The following SH3BP4 variants were observed in gnomAD, a reference collection of about 807,000 sequenced individuals.
The protein encoded by SH3BP4 is SH3 domain binding protein 4.
Under a neutral mutation model 65.5 loss-of-function variants are expected in SH3BP4, and 33 were observed. The observed-to-expected ratio is 0.50, with a 90% CI of 0.38 to 0.67. The LOEUF (loss-of-function observed/expected upper bound fraction) is 0.67, where lower values mean the gene tolerates loss of function less well. Ranked by LOEUF, SH3BP4 falls within the 30% of genes least tolerant of loss-of-function variation. The pLI, the probability that SH3BP4 is intolerant of heterozygous loss-of-function variation, is 0.00. For missense variants in SH3BP4, 1,134 were observed against 1,261.4 expected, an observed-to-expected ratio of 0.90 and a Z score of 1.53; for synonymous variants, 552 against 545.5, an observed-to-expected ratio of 1.01 and a Z score of -0.17.
intron 1 of SH3BP4, among the ~76,000 whole-genome samples, chr2:234,958,188 A>C (rs1053926663): frequency 2.6e-5 from 4 of 152,186 alleles, no homozygotes; most frequent in Non-Finnish European, 5.9e-5. Context: ...CCCAAGGACC[A>C]TAGCTGAACA....
intron 1 of SH3BP4, among the ~76,000 whole-genome samples, chr2:234,956,029 C>T (rs1405906845): frequency 6.6e-6 from 1 of 152,184 alleles, no homozygotes; most frequent in African/African-American, 2.4e-5. Flanking sequence ...AAGATACAGG[C>T]ATGCAAATAG....
chr2:234,972,837 G>A (rs1032474991), intron 1 of SH3BP4, among the ~76,000 whole-genome samples: 19 of 152,218 alleles, frequency 1.2e-4, no homozygotes, highest in African/African-American at 2.4e-4. Flanking sequence ...AGTTCCTTCC[G>A]TAAAAAGTGG....
chr2:234,984,380 T>G lies in SH3BP4; in HGVS notation c.-206-10923T>G, dbSNP rs187787032. 3.6e-3 allele frequency among the ~76,000 whole-genome samples: 544 copies of G among 152,098 alleles called. 2 individuals carry two copies. Among genetic ancestry groups the G allele is most frequent in the Admixed American group, 6.1e-3 (93 of 15,282 alleles). ...CCATGCCTGGCTAATTTTTTTTTTTTTAACTTTTTGTAGAGACGAAGTCTT... is the reference window on the plus strand; with the variant it reads ...CCATGCCTGGCTAATTTTTTTTTTTGTAACTTTTTGTAGAGACGAAGTCTT... On this transcript the variant is annotated intron_variant, in intron 1 of 5. Coordinates refer to ENST00000392011, the MANE Select transcript of SH3BP4 (RefSeq NM_014521.3).
At chr2:235,039,167 A>G (rs1421667782) in intron 3 of SH3BP4, among the ~76,000 whole-genome samples, 1 of 152,184 alleles carries the variant, frequency 6.6e-6, no homozygotes, top group Non-Finnish European at 1.5e-5. Flanking sequence ...AGACACCCAG[A>G]TAGACGGGCC....
Position 235,045,359 on chromosome 2 carries a change from T to G in SH3BP4, c.2478+2112T>G, listed in dbSNP as rs1301218879. Among the ~76,000 whole-genome samples the G allele has an allele frequency of 6.6e-6, 1 of 152,186 alleles. No individual in the cohort carries two copies. Among genetic ancestry groups the G allele is most frequent in the Non-Finnish European group, 1.5e-5 (1 of 68,036 alleles). ...ACCGCCGAGTAGGTGGCTTTTACACTCATTTTCCTGCTTTTTTATCTTTTT... is the reference window on the plus strand; with the variant it reads ...ACCGCCGAGTAGGTGGCTTTTACACGCATTTTCCTGCTTTTTTATCTTTTT... On this transcript the variant is annotated intron_variant, in intron 4 of 5. Transcript: ENST00000392011. The surrounding 1 kb of genome is among the most constrained non-coding windows in gnomAD (Gnocchi z 4.3).
intron 2 of SH3BP4, among the ~76,000 whole-genome samples, chr2:235,021,166 A>G (rs1223237552): frequency 2.0e-5 from 3 of 152,206 alleles, no homozygotes; most frequent in Non-Finnish European, 1.5e-5. Flanking sequence ...ACTCATATCT[A>G]AATCAATGGG....
chr2:234,992,837 G>A (rs58649890), intron 1 of SH3BP4, among the ~76,000 whole-genome samples: 23,376 of 146,776 alleles, frequency 0.16, 3,412 homozygotes, highest in East Asian at 0.72. Flanking sequence ...AGATGGACAC[G>A]TTCCTGCCGT....
At chr2:234,964,977 A>G (rs1203589560) in intron 1 of SH3BP4, among the ~76,000 whole-genome samples, 1 of 152,146 alleles carries the variant, frequency 6.6e-6, no homozygotes, top group Non-Finnish European at 1.5e-5. Flanking sequence ...TACGTGTAGC[A>G]GAGTCGGTCT....
chr2:235,017,185 G>T (rs1574823579), intron 2 of SH3BP4, among the ~76,000 whole-genome samples: 1 of 149,844 alleles, frequency 6.7e-6, no homozygotes, highest in African/African-American at 2.5e-5. Context: ...ATCCTCTCCT[G>T]GCTGGGTGAG....
At chr2:234,986,783 C>G (rs1693571866) in intron 1 of SH3BP4, among the ~76,000 whole-genome samples, 1 of 151,400 alleles carries the variant, frequency 6.6e-6, no homozygotes, top group Admixed American at 6.6e-5. Flanking sequence ...ATGTTATCAA[C>G]TAGGATACAT....
chr2:235,053,490 T>C, intron 5 of SH3BP4, 102 bp from the exon 6 acceptor site: 1 of 819,178 alleles, frequency 1.2e-6, no homozygotes, highest in Non-Finnish European at 2.0e-6. Flanking sequence ...TCCCAAATAG[T>C]GACTACTGAA....
At chr2:234,975,894 A>G (rs371282077) in intron 1 of SH3BP4, among the ~76,000 whole-genome samples, 2 of 152,182 alleles carry the variant, frequency 1.3e-5, no homozygotes, top group African/African-American at 4.8e-5. Context: ...TAAAAAATAA[A>G]TAAAAGTAGT....
intron 1 of SH3BP4, among the ~76,000 whole-genome samples, chr2:234,980,861 C>T (rs1281920486): frequency 2.0e-5 from 3 of 152,100 alleles, no homozygotes; most frequent in Admixed American, 2.0e-4. Flanking sequence ...GGTTTTTGCC[C>T]GTTTTTCTTA....
At chr2:235,006,059 G>A (rs1440274026) in intron 2 of SH3BP4, among the ~76,000 whole-genome samples, 1 of 152,254 alleles carries the variant, frequency 6.6e-6, no homozygotes, top group African/African-American at 2.4e-5. Flanking sequence ...TCCTGGGCAG[G>A]AGCCGCCTGT....
At chr2:234,996,373 C>G (rs150611666) in intron 2 of SH3BP4, among the ~76,000 whole-genome samples, 1 of 152,204 alleles carries the variant, frequency 6.6e-6, no homozygotes, top group Non-Finnish European at 1.5e-5. Context: ...CTTCTCCCCC[C>G]ACCCTTTCTG....
At chr2:234,959,034 C>G (rs1035280627) in intron 1 of SH3BP4, among the ~76,000 whole-genome samples, 17 of 151,954 alleles carry the variant, frequency 1.1e-4, no homozygotes, top group African/African-American at 3.9e-4. Context: ...AATAGCTGAT[C>G]ACCAGGAGCA....
At chr2:235,036,392 C>T (rs1395006054) in intron 3 of SH3BP4, among the ~76,000 whole-genome samples, 2 of 152,142 alleles carry the variant, frequency 1.3e-5, no homozygotes. Flanking sequence ...AACTTGTGAG[C>T]ATAAATTGTG....
In SH3BP4 at chr2:234,978,043, C is replaced by T. The variant is rs1049243601; in HGVS notation, c.-206-17260C>T. On this transcript the variant is annotated intron_variant, in intron 1 of 5. Coordinates refer to ENST00000392011, the MANE Select transcript of SH3BP4 (RefSeq NM_014521.3). The surrounding 1 kb of genome is among the most constrained non-coding windows in gnomAD (Gnocchi z 4.1). The stretch of plus-strand genomic sequence containing the variant: ...CCATCTCTGCTCACTGCAACCTCTG[C>T]CTCCTGGGTTTAAGCAATTCTCCTG... Among the ~76,000 whole-genome samples, 1 of 152,152 alleles carries T rather than the reference C, an allele frequency of 6.6e-6. No individual in the cohort carries two copies. The highest frequency in any genetic ancestry group is 1.5e-5 in the Non-Finnish European group (1 of 68,036).
chr2:234,965,892 T>A (rs2106243541), intron 1 of SH3BP4, among the ~76,000 whole-genome samples: 1 of 152,354 alleles, frequency 6.6e-6, no homozygotes, highest in South Asian at 2.1e-4. Context: ...GTGGTTGTCC[T>A]CTTGTGCTAC....
Sources: gnomAD v4.1 joint callset for allele counts (sites outside exome capture counted in the v4.1 genomes callset) on GRCh38, gnomAD v4.1.1 for gene constraint, Gnocchi (gnomAD v3.1) non-coding constraint, MANE v1.5 for transcripts, NCBI Gene and HGNC (gene_info 2026-07-23, HGNC 2026-07-21) for gene names.